Variants in CNNM2 observed in about 807,000 individuals in gnomAD.
The protein encoded by CNNM2 is cyclin and CBS domain divalent metal cation transport mediator 2.
CNNM2 carries 12 observed loss-of-function variants against 66.9 expected under a neutral mutation model. The ratio of observed to expected loss-of-function variants is 0.18; its 90% CI spans 0.11 to 0.29. The LOEUF (loss-of-function observed/expected upper bound fraction) is 0.29. Among genes scored for constraint, CNNM2 ranks in the 10% least tolerant of loss-of-function variants. CNNM2 has a pLI of 1.00. For synonymous variants in CNNM2, 557 were observed against 501.8 expected, an observed-to-expected ratio of 1.11 and a Z score of -1.47; for missense variants, 705 against 1,167.7, an observed-to-expected ratio of 0.60 and a Z score of 5.77.
Position 103,082,811 on chromosome 10 carries a change from A to G in CNNM2, c.*5631A>G, listed in dbSNP as rs2065770215. ...ACCTTGTGGGCAGGGCCTCTCAAGT[A>G]CCTCCATGAAATATTTCCAAGGTGG... On this transcript the variant is annotated 3_prime_UTR_variant, in exon 8 of 8. Transcript: ENST00000369878. The G allele has an allele frequency of 6.6e-6, 1 of 152,080 alleles. No individual in the cohort carries two copies. The highest frequency in any genetic ancestry group is 2.1e-4 in the South Asian group (1 of 4,790). 9.4% of individuals were successfully genotyped at this position (152,080 alleles called of 1,614,324 possible).
Position 103,054,196 on chromosome 10 carries a change from T to G in CNNM2, c.1766-133T>G. The G allele has an allele frequency of 1.0e-6, 1 of 973,390 alleles. No homozygotes were observed. The highest frequency in any genetic ancestry group is 1.6e-5 in the African/African-American group (1 of 60,742). 60.3% of individuals were successfully genotyped at this position (973,390 alleles called of 1,614,324 possible). ...TCTCCCTCCCTCCTTCCCCGTGGCA[T>G]CTGTGCATAGAGCGCCTGCATCTGG... On this transcript the variant is annotated intron_variant, in intron 2 of 7. Transcript: ENST00000369878. This position sits in a 1 kb window ranked among gnomAD's most constrained non-coding sequence, Gnocchi z 5.2.
Position 103,049,341 on chromosome 10 carries a change from A to G in CNNM2, c.1622-366A>G, listed in dbSNP as rs369118629. Among the ~76,000 whole-genome samples the G allele has an allele frequency of 5.9e-5, 9 of 152,310 alleles. No individual in the cohort carries two copies. In the East Asian group the frequency reaches 1.7e-3, roughly 29 times the overall value. On this transcript the variant is annotated intron_variant, in intron 1 of 7. Coordinates refer to ENST00000369878, the MANE Select transcript of CNNM2 (RefSeq NM_017649.5). ...ATTCTTATGAAAATAGTTGGGCCTC[A>G]TGGACCTCCTATAAGGGTCTTGGGA...
intron 1 of CNNM2, among the ~76,000 whole-genome samples, chr10:103,007,814 G>A (rs1390767289): frequency 6.6e-6 from 1 of 152,162 alleles, no homozygotes; most frequent in African/African-American, 2.4e-5. Context: ...CAGTGGTCCT[G>A]AGGTGACGTA....
chr10:103,013,198 G>GT (rs1424633281), intron 1 of CNNM2, among the ~76,000 whole-genome samples: 2 of 152,106 alleles, frequency 1.3e-5, no homozygotes, highest in Non-Finnish European at 2.9e-5. Flanking sequence ...AAAGGACACT[G>GT]TTTTTGTCAA....
chr10:102,924,268 G>A (rs893876094), intron 1 of CNNM2, among the ~76,000 whole-genome samples: 1 of 152,178 alleles, frequency 6.6e-6, no homozygotes, highest in Non-Finnish European at 1.5e-5. Context: ...AAAAGATTGG[G>A]CCACCAAGTT....
At chr10:102,992,339 C>A (rs896762401) in intron 1 of CNNM2, among the ~76,000 whole-genome samples, 1 of 138,786 alleles carries the variant, frequency 7.2e-6, no homozygotes, top group African/African-American at 2.7e-5. Context: ...GTGGTGTGAT[C>A]TTGGCTCACT....
intron 1 of CNNM2, among the ~76,000 whole-genome samples, chr10:102,941,575 C>A (rs2134179290): frequency 6.6e-6 from 1 of 152,316 alleles, no homozygotes; most frequent in South Asian, 2.1e-4. Flanking sequence ...TCTAGGCATG[C>A]CCCTGCCTTG....
intron 1 of CNNM2, among the ~76,000 whole-genome samples, chr10:103,040,300 G>A (rs2065016254): frequency 6.6e-6 from 1 of 151,928 alleles, no homozygotes; most frequent in Non-Finnish European, 1.5e-5. Context: ...GTGGAATTAA[G>A]AGCAAGGTAA....
chr10:102,925,801 G>A (rs1845839974), intron 1 of CNNM2, among the ~76,000 whole-genome samples: 2 of 152,174 alleles, frequency 1.3e-5, no homozygotes, highest in African/African-American at 4.8e-5. Context: ...AAGTCCAAGT[G>A]TGTGAGCTCA....
intron 1 of CNNM2, among the ~76,000 whole-genome samples, chr10:103,001,274 G>A (rs1342086574): frequency 1.3e-5 from 2 of 152,156 alleles, no homozygotes; most frequent in African/African-American, 4.8e-5. Flanking sequence ...GTACAACAGT[G>A]TGAATGTACT....
At chr10:103,039,310 T>C (rs1409887289) in intron 1 of CNNM2, among the ~76,000 whole-genome samples, 3 of 152,142 alleles carry the variant, frequency 2.0e-5, no homozygotes, top group African/African-American at 7.2e-5. Context: ...CTAATTTTTG[T>C]ATTTTTAGTA....
chr10:102,945,283 G>A (rs1312793536), intron 1 of CNNM2, among the ~76,000 whole-genome samples: 1 of 152,096 alleles, frequency 6.6e-6, no homozygotes, highest in African/African-American at 2.4e-5. Flanking sequence ...GGAGTGTTTA[G>A]TGTTTTGCCC....
At chr10:103,012,638 A>AC (rs1237752223) in intron 1 of CNNM2, among the ~76,000 whole-genome samples, 4 of 114,160 alleles carry the variant, frequency 3.5e-5, no homozygotes, top group Non-Finnish European at 5.5e-5. Context: ...ACAGAGCAAG[A>AC]CTTTTTTTTT....
chr10:102,982,521 A>C (rs1260771750), intron 1 of CNNM2, among the ~76,000 whole-genome samples: 2 of 152,188 alleles, frequency 1.3e-5, no homozygotes, highest in African/African-American at 4.8e-5. Context: ...ACCATTACTA[A>C]TTTGCAGGAG....
intron 1 of CNNM2, among the ~76,000 whole-genome samples, chr10:103,010,005 T>C (rs2064309757): frequency 6.6e-6 from 1 of 152,098 alleles, no homozygotes; most frequent in Admixed American, 6.6e-5. Context: ...CTAATACAGA[T>C]TATTTTATTA....
chr10:102,922,777 C>G (rs1845698643), intron 1 of CNNM2, among the ~76,000 whole-genome samples: 1 of 151,858 alleles, frequency 6.6e-6, no homozygotes, highest in Non-Finnish European at 1.5e-5. Context: ...CCCGTGCCTA[C>G]AAAAAATACA....
At chr10:103,019,984 C>T (rs544396896) in intron 1 of CNNM2, among the ~76,000 whole-genome samples, 1 of 152,222 alleles carries the variant, frequency 6.6e-6, no homozygotes, top group African/African-American at 2.4e-5. Flanking sequence ...AATTGTTTTC[C>T]AAATTACTCC....
At chr10:102,994,029 C>T (rs1258648148) in intron 1 of CNNM2, among the ~76,000 whole-genome samples, 1 of 152,074 alleles carries the variant, frequency 6.6e-6, no homozygotes, top group Non-Finnish European at 1.5e-5. Flanking sequence ...CTCTGCCTCC[C>T]GGGTTCAAGT....
chr10:102,994,183 C>T (rs764036513), intron 1 of CNNM2, among the ~76,000 whole-genome samples: 38 of 152,282 alleles, frequency 2.5e-4, no homozygotes, highest in Non-Finnish European at 4.7e-4. Context: ...GTGATCCACC[C>T]GCCTTGGGCT....
Sources: allele counts gnomAD v4.1 joint callset (sites outside exome capture counted in the v4.1 genomes callset), GRCh38; gene constraint gnomAD v4.1.1; non-coding constraint Gnocchi (gnomAD v3.1); transcripts MANE v1.5; gene names NCBI Gene and HGNC (gene_info 2026-07-23, HGNC 2026-07-21).